The following FAAH2 variants were observed in gnomAD, a reference collection of about 807,000 sequenced individuals.
FAAH2 encodes fatty acid amide hydrolase 2.
FAAH2 carries 60 observed loss-of-function variants against 36.9 expected under a neutral mutation model. The ratio of observed to expected loss-of-function variants is 1.63; its 90% confidence interval spans 1.32 to 2.02. The LOEUF (loss-of-function observed/expected upper bound fraction) is 2.02. Among genes scored for constraint, FAAH2 ranks in the 30% most tolerant of loss-of-function variants. FAAH2 has a pLI of 0.00. For synonymous variants in FAAH2, 214 were observed against 143.8 expected (o/e 1.49, Z -3.49); for missense variants, 689 against 397.5 (o/e 1.73, Z -6.23).
chrX:57,261,770 T>G, the FAAH2 span, among the ~76,000 whole-genome samples: 2 of 110,238 alleles, frequency 1.8e-5, no homozygotes, highest in Non-Finnish European at 3.8e-5. Flanking sequence ...CTGAGTTCAA[T>G]GTGAAAGATA....
chrX:57,305,352 GA>G (rs34246974), intron 2 of FAAH2, among the ~76,000 whole-genome samples: 8,878 of 109,130 alleles, frequency 0.081, 885 homozygotes, highest in African/African-American at 0.27. Context: ...AGAAAAACTG[GA>G]AAAAAAAATT....
the FAAH2 span, among the ~76,000 whole-genome samples, chrX:57,122,201 G>GT: frequency 4.1e-4 from 46 of 111,269 alleles, 1 homozygote; most frequent in East Asian, 1.4e-3. Context: ...AATGCTCATA[G>GT]TTTTTTTTCC....
At chrX:57,446,062 T>C (rs1295801463) in intron 8 of FAAH2, among the ~76,000 whole-genome samples, 1 of 112,300 alleles carries the variant, frequency 8.9e-6, no homozygotes, top group Non-Finnish European at 1.9e-5. Context: ...GGTGCTAGCA[T>C]AATTTTTCCC....
chrX:57,465,563 C>T (rs938269856), intron 10 of FAAH2, among the ~76,000 whole-genome samples: 4 of 111,440 alleles, frequency 3.6e-5, no homozygotes, highest in African/African-American at 1.3e-4. Flanking sequence ...AGACAGCCAA[C>T]CAATACTCTT....
chrX:57,183,514 C>A, the FAAH2 span, among the ~76,000 whole-genome samples: 3 of 111,494 alleles, frequency 2.7e-5, no homozygotes, highest in African/African-American at 9.8e-5. Context: ...ATGGAGGGAC[C>A]AGCTGGAGCC....
chrX:57,377,285 A>G (rs2054707864), intron 5 of FAAH2, among the ~76,000 whole-genome samples: 1 of 112,388 alleles, frequency 8.9e-6, no homozygotes. Flanking sequence ...TTTAGGTCTT[A>G]CATTTAAGTC....
At chrX:57,430,104 G>GGCT (rs2056260117) in intron 7 of FAAH2, among the ~76,000 whole-genome samples, 1 of 111,278 alleles carries the variant, frequency 9.0e-6, no homozygotes, top group Non-Finnish European at 1.9e-5. Flanking sequence ...TTAGGTTGAT[G>GGCT]GCTACACTGA....
chrX:57,277,298 C>T, the FAAH2 span, among the ~76,000 whole-genome samples: 1 of 112,009 alleles, frequency 8.9e-6, no homozygotes, highest in African/African-American at 3.2e-5. Context: ...TGTGATCCAT[C>T]ACATAAACAC....
At chrX:57,172,826 C>T in the FAAH2 span, among the ~76,000 whole-genome samples, 1 of 111,495 alleles carries the variant, frequency 9.0e-6, no homozygotes, top group Non-Finnish European at 1.9e-5. Flanking sequence ...GCATTCCTCT[C>T]GACGTCCAGC....
the FAAH2 span, among the ~76,000 whole-genome samples, chrX:57,259,642 A>G: frequency 8.9e-6 from 1 of 112,016 alleles, no homozygotes; most frequent in Non-Finnish European, 1.9e-5. Context: ...GGAAATAGAA[A>G]AATATTGGTC....
At position 57,340,670 on chromosome X, in the gene FAAH2, T is replaced by A. The variant is rs760391255; in HGVS notation, c.623-601T>A. On this transcript the variant is annotated intron_variant, in intron 4 of 10. Transcript: ENST00000374900. Reference sequence around the variant, plus strand: ...CATGGATGGAGCTGGAAGCCATTATTCTCAGTAAACGAATGCAGGGATAGA... The same window carrying A: ...CATGGATGGAGCTGGAAGCCATTATACTCAGTAAACGAATGCAGGGATAGA... 2.7e-5 allele frequency among the ~76,000 whole-genome samples: 3 copies of A among 111,902 alleles called. No individual in the cohort carries two copies. In the South Asian group the frequency reaches 1.1e-3, roughly 42 times the overall value.
chrX:57,261,552 CAAAAAAAAA>C, the FAAH2 span, among the ~76,000 whole-genome samples: 13 of 23,386 alleles, frequency 5.6e-4, 1 homozygote, highest in Non-Finnish European at 9.0e-4. Context: ...GACTCTGTCT[CAAAAAAAAA>C]AAAAAAAAAA....
At chrX:57,355,179 G>T (rs2054128668) in intron 5 of FAAH2, among the ~76,000 whole-genome samples, 1 of 110,751 alleles carries the variant, frequency 9.0e-6, no homozygotes, top group Non-Finnish European at 1.9e-5. Flanking sequence ...TACCTCTTAG[G>T]TTAGTTCTGA....
intron 10 of FAAH2, among the ~76,000 whole-genome samples, chrX:57,453,290 A>G (rs1326044928): frequency 8.9e-6 from 1 of 112,689 alleles, no homozygotes; most frequent in Non-Finnish European, 1.9e-5. Context: ...TAACTAAAGC[A>G]TCTAGTTTTC....
At chrX:57,299,674 T>C (rs1257828633) in intron 2 of FAAH2, among the ~76,000 whole-genome samples, 1 of 111,892 alleles carries the variant, frequency 8.9e-6, no homozygotes, top group African/African-American at 3.3e-5. Context: ...TTGTCCCTGT[T>C]TGCAGATGAC....
At chrX:57,289,156 C>G (rs1207650908) in intron 1 of FAAH2, among the ~76,000 whole-genome samples, 1 of 111,711 alleles carries the variant, frequency 9.0e-6, no homozygotes, top group African/African-American at 3.3e-5. Context: ...AAGTTTAGAG[C>G]TTTCTAATAG....
At chrX:57,244,701 G>T in the FAAH2 span, among the ~76,000 whole-genome samples, 1 of 111,450 alleles carries the variant, frequency 9.0e-6, no homozygotes, top group East Asian at 2.8e-4. Context: ...TCACCACCAG[G>T]CCTGCCTTCC....
At position 57,452,333 on chromosome X, in the gene FAAH2, C is replaced by T. The variant is rs41300634; in HGVS notation, c.1423+3615C>T. On this transcript the variant is annotated intron_variant, in intron 10 of 10. Coordinates refer to ENST00000374900, the MANE Select transcript of FAAH2 (RefSeq NM_174912.4). ...TCAGGTTTGGCAAAATCATAACATG[C>T]CACTCTCAAGAGTCCCTCTTGTACC... The T allele has an allele frequency of 5.0e-3, 3,742 of 751,834 alleles. 8 individuals carry two copies. The highest frequency in any genetic ancestry group is 0.013 in the Admixed American group (151 of 11,464). 62.0% of individuals were successfully genotyped at this position (751,834 alleles called of 1,213,427 possible). A position where few individuals can be genotyped will look rare whatever the true frequency, so the allele number is the denominator to read the frequency against.
At chrX:57,256,141 C>T in the FAAH2 span, among the ~76,000 whole-genome samples, 1 of 111,034 alleles carries the variant, frequency 9.0e-6, no homozygotes, top group Non-Finnish European at 1.9e-5. Context: ...AAGAGACAAG[C>T]AGCCAGATTA....
Sources: gnomAD v4.1 joint callset for allele counts (sites outside exome capture counted in the v4.1 genomes callset) on GRCh38, gnomAD v4.1.1 for gene constraint, MANE v1.5 for transcripts, NCBI Gene and HGNC (gene_info 2026-07-23, HGNC 2026-07-21) for gene names.